The following ANXA13 variants were observed in gnomAD, a reference collection of about 807,000 sequenced individuals.
The protein encoded by ANXA13 is annexin A13.
Under a neutral mutation model 46.6 loss-of-function variants are expected in ANXA13, and 36 were observed. The observed-to-expected ratio is 0.77, with a 90% CI of 0.59 to 1.02. ANXA13 has a LOEUF of 1.02. ANXA13 is among the 50% of genes least tolerant of loss of function. The pLI, the probability that ANXA13 is intolerant of heterozygous loss-of-function variation, is 0.00. For missense variants in ANXA13, 417 were observed against 396.5 expected (o/e 1.05, Z -0.44); for synonymous variants, 163 against 152.9 (o/e 1.07, Z -0.49).
At chr8:123,705,010 T>C (rs770674639) in intron 2 of ANXA13, among the ~76,000 whole-genome samples, 3 of 152,202 alleles carry the variant, frequency 2.0e-5, no homozygotes, top group Admixed American at 1.3e-4. Context: ...TCAACTTCCA[T>C]TGTAGCTTAA....
chr8:123,711,022 T>C (rs1191495507), intron 2 of ANXA13, among the ~76,000 whole-genome samples: 2 of 150,730 alleles, frequency 1.3e-5, no homozygotes, highest in South Asian at 4.2e-4. Flanking sequence ...CAGGGGAAAA[T>C]CACACAACCA....
chr8:123,712,852 T>A, intron 1 of ANXA13, 99 bp from the exon 2 acceptor site: 1 of 1,006,380 alleles, frequency 9.9e-7, no homozygotes, highest in Non-Finnish European at 1.5e-6. Flanking sequence ...ATAGTCATCC[T>A]AACCAGGGAC....
At chr8:123,722,348 AAG>A (rs959596326) in intron 1 of ANXA13, among the ~76,000 whole-genome samples, 1 of 75,932 alleles carries the variant, frequency 1.3e-5, no homozygotes, top group Non-Finnish European at 3.2e-5. Context: ...AAAGAAAAGA[AAG>A]AAAGAAAGAA....
At chr8:123,684,527 TA>T (rs1441327148) in intron 10 of ANXA13, 82 bp downstream of exon 10, 2 of 969,106 alleles carry the variant, frequency 2.1e-6, no homozygotes, top group Non-Finnish European at 3.3e-6. Context: ...AATAGGCCCT[TA>T]ATAGAAACTA....
At chr8:123,730,954 T>G (rs1814106223) in intron 1 of ANXA13, among the ~76,000 whole-genome samples, 1 of 152,164 alleles carries the variant, frequency 6.6e-6, no homozygotes, top group Admixed American at 6.5e-5. Flanking sequence ...CGGGTTTCAA[T>G]GCCATCATCT....
At chr8:123,726,213 G>A (rs1813989392) in intron 1 of ANXA13, among the ~76,000 whole-genome samples, 1 of 152,128 alleles carries the variant, frequency 6.6e-6, no homozygotes, top group African/African-American at 2.4e-5. Flanking sequence ...TGGCATTTCA[G>A]CACCTTTTAA....
chr8:123,706,580 A>G (rs1279448457), intron 2 of ANXA13, among the ~76,000 whole-genome samples: 2 of 151,704 alleles, frequency 1.3e-5, no homozygotes, highest in African/African-American at 4.8e-5. Flanking sequence ...CCTCATCTCC[A>G]CCCCATCGCT....
chr8:123,699,960 A>T (rs777861897), intron 3 of ANXA13, among the ~76,000 whole-genome samples: 1 of 152,262 alleles, frequency 6.6e-6, no homozygotes, highest in Non-Finnish European at 1.5e-5. Context: ...TAAACGGTCA[A>T]TAAATGCTTA....
intron 4 of ANXA13, among the ~76,000 whole-genome samples, chr8:123,697,725 G>A (rs1029972129): frequency 1.3e-5 from 2 of 152,190 alleles, no homozygotes; most frequent in Non-Finnish European, 2.9e-5. Flanking sequence ...GAAGAGGGAG[G>A]GGTCTCTCCT....
chr8:123,735,757 G>T, intron 1 of ANXA13: 2 of 1,610,832 alleles, frequency 1.2e-6, no homozygotes, highest in Non-Finnish European at 1.7e-6. Flanking sequence ...GTGCTTACAG[G>T]CTGTGGGGCC....
At chr8:123,700,973 C>G (rs1217459261) in intron 3 of ANXA13, among the ~76,000 whole-genome samples, 1 of 152,092 alleles carries the variant, frequency 6.6e-6, no homozygotes, top group Non-Finnish European at 1.5e-5. Context: ...CAGGCACACA[C>G]CACCATGCCC....
At chr8:123,688,800 C>T in intron 9 of ANXA13, 71 bp downstream of exon 9, 3 of 1,404,762 alleles carry the variant, frequency 2.1e-6, no homozygotes, top group South Asian at 1.2e-5. Flanking sequence ...TCTTCCTACA[C>T]ACAAACCTCT....
chr8:123,731,009 G>A (rs975426744), intron 1 of ANXA13, among the ~76,000 whole-genome samples: 1 of 152,208 alleles, frequency 6.6e-6, no homozygotes, highest in Non-Finnish European at 1.5e-5. Flanking sequence ...CATAGTCAAT[G>A]CTGAGGCACA....
intron 1 of ANXA13, among the ~76,000 whole-genome samples, chr8:123,721,555 G>GT (rs1813873362): frequency 6.6e-6 from 1 of 152,150 alleles, no homozygotes; most frequent in Middle Eastern, 3.2e-3. Flanking sequence ...TTCCTGCTGA[G>GT]TGTTGAGTGA....
chr8:123,698,521 G>T lies in ANXA13; in HGVS notation c.225C>A (p.Asn75Lys). 6.2e-7 allele frequency: 1 copy of T among 1,614,230 alleles called. No individual in the cohort carries two copies. Among genetic ancestry groups the T allele is most frequent in the Non-Finnish European group, 8.5e-7 (1 of 1,180,038 alleles). The change falls in exon 4 of 11, where the codon AAC becomes AAA. Residue 75 changes from asparagine (N) to lysine (K), a missense_variant. Coordinates refer to ENST00000419625, the MANE Select transcript of ANXA13 (RefSeq NM_004306.4). ...EEVLKSELSG[N>K]FEKTALALLD... Reference sequence around the variant, plus strand: ...GAAGGGCCAACGCTGTCTTCTCGAAGTTTCCACTCAGCTCACTCTTGAGTA... The same window carrying T: ...GAAGGGCCAACGCTGTCTTCTCGAATTTTCCACTCAGCTCACTCTTGAGTA...
chr8:123,714,616 G>A (rs1248987398), intron 1 of ANXA13, among the ~76,000 whole-genome samples: 1 of 152,196 alleles, frequency 6.6e-6, no homozygotes, highest in Admixed American at 6.5e-5. Context: ...TAACATCTGT[G>A]GGCTGAAGGT....
At chr8:123,734,117 A>G (rs1814194757) in intron 1 of ANXA13, among the ~76,000 whole-genome samples, 1 of 152,126 alleles carries the variant, frequency 6.6e-6, no homozygotes, top group African/African-American at 2.4e-5. Flanking sequence ...CTTGCAAGTA[A>G]TTTCCCAGAA....
Position 123,691,744 on chromosome 8 carries a change from G to A in ANXA13, c.642+1453C>T, listed in dbSNP as rs559514805. Among the ~76,000 whole-genome samples, 90 of 152,280 alleles carry A rather than the reference G, an allele frequency of 5.9e-4. 1 individual carries two copies. Among genetic ancestry groups the A allele is most frequent in the African/African-American group, 2.0e-3 (85 of 41,556 alleles). On this transcript the variant is annotated intron_variant, in intron 8 of 10. Transcript: ENST00000419625. ...ACACAGATGGTCAGGCCCTAGCCCC[G>A]GGGAATCTGATTCAGTAGGTCTGGT...
In ANXA13 at chr8:123,690,355, C is replaced by T. The variant is rs548273875; in HGVS notation, c.643-1409G>A. On this transcript the variant is annotated intron_variant, in intron 8 of 10. Coordinates refer to ENST00000419625, the MANE Select transcript of ANXA13 (RefSeq NM_004306.4). This position sits in a 1 kb window ranked among gnomAD's most constrained non-coding sequence, Gnocchi z 4.6. ...GATGAAAGCAGAAAGCAGAGCTGTG[C>T]TGGGAGGCGGGAGGTGGGCTCCTTT... Among the ~76,000 whole-genome samples the T allele has an allele frequency of 6.6e-6, 1 of 152,330 alleles. No homozygotes were observed. The highest frequency in any genetic ancestry group is 1.9e-4 in the East Asian group (1 of 5,182).
Sources: allele counts gnomAD v4.1 joint callset (sites outside exome capture counted in the v4.1 genomes callset), GRCh38; gene constraint gnomAD v4.1.1; non-coding constraint Gnocchi (gnomAD v3.1); transcripts MANE v1.5; gene names NCBI Gene and HGNC (gene_info 2026-07-23, HGNC 2026-07-21).